The following EML6 variants were observed in gnomAD, a reference collection of about 807,000 sequenced individuals.
The protein encoded by EML6 is EMAP like 6.
In EML6, 154 loss-of-function variants were observed where a neutral mutation model predicts 240.1. That is an observed-to-expected ratio of 0.64 (90% confidence interval 0.56 to 0.73). The LOEUF (loss-of-function observed/expected upper bound fraction) is 0.73. Ranked by LOEUF, EML6 falls within the 30% of genes least tolerant of loss-of-function variation. The pLI is 0.00. For missense variants in EML6, 2,964 were observed against 2,474.6 expected, an observed-to-expected ratio of 1.20 and a Z score of -4.20; for synonymous variants, 1,148 against 899.0, an observed-to-expected ratio of 1.28 and a Z score of -4.95.
At chr2:54,902,777 G>A (rs1377547482) in intron 22 of EML6, among the ~76,000 whole-genome samples, 1 of 152,192 alleles carries the variant, frequency 6.6e-6, no homozygotes, top group Non-Finnish European at 1.5e-5. Context: ...CCTACGGAAT[G>A]TGGCCCAGAC....
intron 2 of EML6, among the ~76,000 whole-genome samples, chr2:54,791,281 C>T (rs1669437951): frequency 6.6e-6 from 1 of 152,174 alleles, no homozygotes; most frequent in Admixed American, 6.5e-5. Flanking sequence ...CCGGTATGCT[C>T]ACGCAAGTGG....
At chr2:54,763,384 C>T (rs972298670) in intron 2 of EML6, among the ~76,000 whole-genome samples, 2 of 152,192 alleles carry the variant, frequency 1.3e-5, no homozygotes, top group African/African-American at 4.8e-5. Context: ...TTTTAGGCTT[C>T]TCCCTCTATT....
At chr2:54,803,303 C>T (rs983084806) in intron 2 of EML6, among the ~76,000 whole-genome samples, 4 of 152,154 alleles carry the variant, frequency 2.6e-5, no homozygotes, top group African/African-American at 9.7e-5. Flanking sequence ...GTCAATTAGT[C>T]AAACTTGGCT....
At chr2:54,775,137 C>T (rs1218328590) in intron 2 of EML6, among the ~76,000 whole-genome samples, 1 of 152,166 alleles carries the variant, frequency 6.6e-6, no homozygotes, top group East Asian at 1.9e-4. Context: ...CAGGTATAGT[C>T]TATTCATTAT....
At chr2:54,960,579 G>A (rs1197673757) in intron 35 of EML6, among the ~76,000 whole-genome samples, 3 of 152,174 alleles carry the variant, frequency 2.0e-5, no homozygotes, top group Admixed American at 2.0e-4. Flanking sequence ...TGAGGTTTTT[G>A]TGAGGGTCAC....
At position 54,903,391 on chromosome 2, in the gene EML6, G is replaced by A. The variant is rs1460747551; in HGVS notation, c.3298G>A (p.Val1100Met). ...AACAGATACGGGAAAATACCTTGCC[G>A]TGGCATCCCATGATAACTTTGTGGA... ...FSKDTGKYLA[V>M]ASHDNFVDIY... The change falls in exon 24 of 42, where the codon GTG (valine) becomes ATG (methionine). Residue 1100 changes from valine (V) to methionine (M), a missense_variant. Physicochemically the swap from Val to Met is conservative, Grantham distance 21. Transcript: ENST00000356458. 5.2e-6 allele frequency: 8 copies of A among 1,551,594 alleles called. No individual in the cohort carries two copies. Among genetic ancestry groups the A allele is most frequent in the Non-Finnish European group, 5.2e-6 (6 of 1,146,952 alleles).
chr2:54,750,521 T>C (rs1288413221), intron 2 of EML6, among the ~76,000 whole-genome samples: 1 of 152,116 alleles, frequency 6.6e-6, no homozygotes, highest in Non-Finnish European at 1.5e-5. Flanking sequence ...AAGTTCTAGA[T>C]TGGTGCTGAC....
At position 54,928,432 on chromosome 2, in the gene EML6, C is replaced by T; in HGVS notation, c.3795C>T (p.Ile1265=). 1.9e-6 allele frequency: 3 copies of T among 1,551,342 alleles called. No homozygotes were observed. The highest frequency in any genetic ancestry group is 2.6e-6 in the Non-Finnish European group (3 of 1,146,808). The change falls in exon 27 of 42, where the codon ATC becomes ATT. Residue 1265 remains isoleucine (I), a synonymous_variant. Transcript: ENST00000356458. ...TVGGADTALM[I]WTREFVGTQE... ...GCGGCGCCGACACAGCCCTGATGAT[C>T]TGGACCAGGGAGTTTGTGGGGACCC...
intron 26 of EML6, among the ~76,000 whole-genome samples, chr2:54,920,508 C>G (rs1674167935): frequency 6.6e-6 from 1 of 152,148 alleles, no homozygotes; most frequent in South Asian, 2.1e-4. Flanking sequence ...GAGATTGAAT[C>G]TGTAATCAAG....
At position 54,962,664 on chromosome 2, in the gene EML6, T is replaced by C; in HGVS notation, c.5110T>C (p.Ser1704Pro). 6.5e-7 allele frequency: 1 copy of C among 1,531,308 alleles called. No homozygotes were observed. The highest frequency in any genetic ancestry group is 2.5e-5 in the East Asian group (1 of 39,770). 94.9% of individuals were successfully genotyped at this position (1,531,308 alleles called of 1,614,324 possible). ...ATHPSKDLFISASNDGTARIW... is the reference protein window; with the variant it reads ...ATHPSKDLFIPASNDGTARIW... Reference sequence around the variant, plus strand: ...TCACCCTTCCAAGGACCTCTTCATCTCTGCCAGCAACGATGGCACAGCCCG... The same window carrying C: ...TCACCCTTCCAAGGACCTCTTCATCCCTGCCAGCAACGATGGCACAGCCCG... Residue 1704 changes from serine (S) to proline (P), a missense_variant, in exon 36 of 42, where the codon TCT becomes CCT. Physicochemically the swap from Ser to Pro is moderately conservative, Grantham distance 74. Transcript: ENST00000356458.
intron 4 of EML6, among the ~76,000 whole-genome samples, chr2:54,818,749 T>C (rs558411101): frequency 6.6e-5 from 10 of 152,316 alleles, no homozygotes; most frequent in Admixed American, 6.5e-4. Context: ...AATAGGACTA[T>C]AGTGATGAGT....
chr2:54,906,550 T>C (rs1208128057), intron 24 of EML6, among the ~76,000 whole-genome samples: 1 of 151,854 alleles, frequency 6.6e-6, no homozygotes, highest in Admixed American at 6.6e-5. Context: ...AGGAGAGGAG[T>C]GGAGTCAAAG....
At chr2:54,783,038 C>T (rs1668919435) in intron 2 of EML6, among the ~76,000 whole-genome samples, 1 of 152,144 alleles carries the variant, frequency 6.6e-6, no homozygotes, top group South Asian at 2.1e-4. Flanking sequence ...TTAGCTCTGT[C>T]CTTGTGGAAT....
At chr2:54,797,858 A>T (rs1429335144) in intron 2 of EML6, among the ~76,000 whole-genome samples, 1 of 152,192 alleles carries the variant, frequency 6.6e-6, no homozygotes, top group African/African-American at 2.4e-5. Context: ...ATTTTTTTTA[A>T]TCCTTATGCC....
At chr2:54,938,043 G>C (rs1330928520) in intron 28 of EML6, among the ~76,000 whole-genome samples, 1 of 152,198 alleles carries the variant, frequency 6.6e-6, no homozygotes, top group Non-Finnish European at 1.5e-5. Flanking sequence ...ATGGAAAAGT[G>C]ATTGTATAAA....
chr2:54,806,077 G>A (rs1354535837), intron 2 of EML6, among the ~76,000 whole-genome samples: 8 of 151,600 alleles, frequency 5.3e-5, no homozygotes, highest in Admixed American at 5.3e-4. Flanking sequence ...TTCTACTTTT[G>A]TTAACATTTT....
chr2:54,910,185 CTCT>C (rs1030068779), intron 24 of EML6, among the ~76,000 whole-genome samples: 7 of 152,212 alleles, frequency 4.6e-5, no homozygotes, highest in African/African-American at 1.4e-4. Context: ...GTTCTTTATA[CTCT>C]TCTTCTATAC....
chr2:54,859,775 T>A (rs1670579141), intron 12 of EML6, 74 bp downstream of exon 12: 8 of 1,283,010 alleles, frequency 6.2e-6, no homozygotes, highest in Non-Finnish European at 7.3e-6. Flanking sequence ...TAACATGTAT[T>A]CTATAGGTAA....
At chr2:54,820,171 A>G (rs1209616178) in intron 4 of EML6, among the ~76,000 whole-genome samples, 1 of 152,164 alleles carries the variant, frequency 6.6e-6, no homozygotes, top group Non-Finnish European at 1.5e-5. Context: ...CTAAATAATT[A>G]TGGTAAGTTC....
Sources: allele counts gnomAD v4.1 joint callset (sites outside exome capture counted in the v4.1 genomes callset), GRCh38; gene constraint gnomAD v4.1.1; transcripts MANE v1.5; gene names NCBI Gene and HGNC (gene_info 2026-07-23, HGNC 2026-07-21).